Variants in KIAA1586 observed in about 807,000 individuals in gnomAD.
KIAA1586 encodes the protein E3 SUMO-protein ligase KIAA1586.
Under a neutral mutation model 6.1 loss-of-function variants are expected in KIAA1586, and 5 were observed. The ratio of observed to expected loss-of-function variants is 0.82; its 90% CI spans 0.43 to 1.73. KIAA1586 has a LOEUF of 1.73. Ranked by LOEUF, KIAA1586 falls within the 40% of genes most tolerant of loss-of-function variation. KIAA1586 has a pLI of 0.02. For missense variants in KIAA1586, 899 were observed against 878.2 expected, an observed-to-expected ratio of 1.02 and a Z score of -0.30; for synonymous variants, 280 against 301.7, an observed-to-expected ratio of 0.93 and a Z score of 0.75.
chr6:57,065,982 T>C, the KIAA1586 span, among the ~76,000 whole-genome samples: 1 of 152,102 alleles, frequency 6.6e-6, no homozygotes, highest in African/African-American at 2.4e-5. Flanking sequence ...AAATTGCAGC[T>C]ATTCTAATTT....
chr6:57,056,063 T>C (rs980099537), downstream of KIAA1586, among the ~76,000 whole-genome samples: 4 of 152,208 alleles, frequency 2.6e-5, no homozygotes, highest in South Asian at 2.1e-4. Flanking sequence ...TTTTTTTTTT[T>C]CCCGAGACAG....
Position 57,055,043 on chromosome 6 carries a change from T to C in KIAA1586, c.*180T>C. The C allele has an allele frequency of 1.5e-6, 1 of 651,822 alleles. No individual in the cohort carries two copies. Among genetic ancestry groups the C allele is most frequent in the Non-Finnish European group, 2.4e-6 (1 of 417,388 alleles). The allele number at this position is 651,822 out of a possible 1,614,324, so 40.4% of individuals were successfully genotyped here. A position where few individuals can be genotyped will look rare whatever the true frequency, so the allele number is the denominator to read the frequency against. ...TTTAGAAGCTATAGTTTTTTAGAGA[T>C]TGGCCCATGTTTGCTAGAGTGGGTC... is the stretch of plus-strand genomic sequence containing the variant. On this transcript the variant is annotated 3_prime_UTR_variant, in exon 4 of 4. Transcript: ENST00000370733.
chr6:57,051,969 G>A (rs180919612), intron 3 of KIAA1586, among the ~76,000 whole-genome samples: 195 of 152,128 alleles, frequency 1.3e-3, no homozygotes, highest in African/African-American at 4.3e-3. Flanking sequence ...GCGAGACTCC[G>A]TCTCAAAAAA....
intron 3 of KIAA1586, among the ~76,000 whole-genome samples, chr6:57,051,898 C>T (rs895254953): frequency 7.9e-5 from 12 of 152,078 alleles, no homozygotes; most frequent in Admixed American, 1.3e-4. Context: ...TGCTTGAACC[C>T]GGGAGGTGGA....
chr6:57,046,898 G>A, intron 1 of KIAA1586, 122 bp downstream of exon 1: 2 of 1,358,872 alleles, frequency 1.5e-6, no homozygotes, highest in East Asian at 2.6e-5. Context: ...CAGTGTCTTG[G>A]GCCGAGCCCA....
intron 1 of KIAA1586, 195 bp downstream of exon 1, chr6:57,046,971 C>A: frequency 1.4e-6 from 1 of 715,552 alleles, no homozygotes; most frequent in Non-Finnish European, 2.1e-6. Context: ...CCCGGCCCCC[C>A]GCACGGGCCC....
chr6:57,059,613 A>T (rs1002683883), downstream of KIAA1586, among the ~76,000 whole-genome samples: 1 of 151,522 alleles, frequency 6.6e-6, no homozygotes, highest in African/African-American at 2.4e-5. Context: ...ATAGAATTAC[A>T]TATGTGGCTT....
the KIAA1586 span, among the ~76,000 whole-genome samples, chr6:57,063,889 A>T: frequency 2.3e-3 from 356 of 151,952 alleles, 1 homozygote; most frequent in African/African-American, 6.6e-3. Flanking sequence ...CCCTTTTTTT[A>T]AAAAAAATTG....
At position 57,053,124 on chromosome 6, in the gene KIAA1586, G is replaced by A; in HGVS notation, c.625G>A (p.Glu209Lys). The change falls in exon 4 of 4, where the codon GAA (glutamate) becomes AAA (lysine). Residue 209 changes from glutamate to lysine, a missense_variant. Physicochemically the swap from Glu to Lys is moderately conservative, Grantham distance 56. Transcript: ENST00000370733. ...RQASLRKKIREHDVSKAHGKI... is the reference protein window; with the variant it reads ...RQASLRKKIRKHDVSKAHGKI... Reference sequence around the variant, plus strand: ...AGCTTCTCTACGAAAAAAAATTAGGGAACATGATGTTTCTAAAGCCCATGG... The same window carrying A: ...AGCTTCTCTACGAAAAAAAATTAGGAAACATGATGTTTCTAAAGCCCATGG... 1 of 1,611,074 alleles carries A rather than the reference G, an allele frequency of 6.2e-7. No individual in the cohort carries two copies. Among genetic ancestry groups the A allele is most frequent in the Non-Finnish European group, 8.5e-7 (1 of 1,179,226 alleles).
chr6:57,049,028 A>G (rs1266206357), intron 2 of KIAA1586, among the ~76,000 whole-genome samples: 1 of 151,630 alleles, frequency 6.6e-6, no homozygotes. Flanking sequence ...ACATCTTTTC[A>G]TACAATATTT....
At position 57,054,544 on chromosome 6, in the gene KIAA1586, A is replaced by C; in HGVS notation, c.2045A>C (p.Asn682Thr). 6.2e-7 allele frequency: 1 copy of C among 1,601,782 alleles called. No homozygotes were observed. ...REFVNNNIKS[N>T]NVSIPTTIYK... is the part of the protein sequence containing the mutation. The stretch of plus-strand genomic sequence containing the variant: ...TTTGTAAATAATAATATAAAATCAA[A>C]CAATGTTTCAATTCCTACAACTATA... Residue 682 changes from asparagine to threonine, a missense_variant, in exon 4 of 4, where the codon AAC becomes ACC. Physicochemically the swap from Asn to Thr is moderately conservative, Grantham distance 65 (BLOSUM62 0). Coordinates refer to ENST00000370733, the MANE Select transcript of KIAA1586 (RefSeq NM_020931.4).
rs144653800 is a variant in KIAA1586 at position 57,054,476 on chromosome 6, T to C, written c.1977T>C (p.Cys659=). ...IAGEKTLFHL[C]KILKYEVDLN... ...GTGAAAAAACATTATTTCATTTGTG[T>C]AAAATTTTAAAATATGAAGTTGATT... Residue 659 remains cysteine, a synonymous_variant, in exon 4 of 4, where the codon TGT becomes TGC. Coordinates refer to ENST00000370733, the MANE Select transcript of KIAA1586 (RefSeq NM_020931.4). 3.1e-6 allele frequency: 5 copies of C among 1,597,608 alleles called. No homozygotes were observed. In the African/African-American group the frequency reaches 6.8e-5, roughly 22 times the overall value.
In KIAA1586 at chr6:57,054,147, A is replaced by G. The variant is rs1562571674; in HGVS notation, c.1648A>G (p.Ile550Val). The G allele has an allele frequency of 3.8e-6, 6 of 1,590,240 alleles. No individual in the cohort carries two copies. The highest frequency in any genetic ancestry group is 5.1e-6 in the Non-Finnish European group (6 of 1,170,726). ...STALQSRSTN[I>V]KKAQKLIKRT... ...TGCATTACAGTCAAGATCAACTAAT[A>G]TTAAGAAAGCACAAAAATTGATCAA... is the stretch of plus-strand genomic sequence containing the variant. Residue 550 changes from isoleucine (I) to valine (V), a missense_variant, in exon 4 of 4, where the codon ATT becomes GTT. Physicochemically the swap from Ile to Val is conservative, Grantham distance 29 (BLOSUM62 3). Transcript: ENST00000370733.
chr6:57,066,767 T>C, the KIAA1586 span, among the ~76,000 whole-genome samples: 2 of 152,138 alleles, frequency 1.3e-5, no homozygotes, highest in Non-Finnish European at 2.9e-5. Flanking sequence ...CTTTCAGCCT[T>C]TCTGTTAAGT....
At chr6:57,066,292 A>C in the KIAA1586 span, among the ~76,000 whole-genome samples, 1 of 152,122 alleles carries the variant, frequency 6.6e-6, no homozygotes, top group Non-Finnish European at 1.5e-5. Flanking sequence ...AAAGGAAAAA[A>C]ATTCAAATTT....
downstream of KIAA1586, among the ~76,000 whole-genome samples, chr6:57,060,239 C>T (rs1268506931): frequency 6.6e-6 from 1 of 152,106 alleles, no homozygotes; most frequent in Non-Finnish European, 1.5e-5. Flanking sequence ...GTCTTTCCCT[C>T]ATAATTGCCG....
At position 57,054,945 on chromosome 6, in the gene KIAA1586, A is replaced by G; in HGVS notation, c.*82A>G. ...CATAAAGGTCTTTTTTTTTTTTGGA[A>G]AGCCAGTTAAACTTTTATCAGCATG... On this transcript the variant is annotated 3_prime_UTR_variant, in exon 4 of 4. Transcript: ENST00000370733. 7.4e-7 allele frequency: 1 copy of G among 1,342,498 alleles called. No homozygotes were observed. The highest frequency in any genetic ancestry group is 9.8e-7 in the Non-Finnish European group (1 of 1,018,874). 83.2% of individuals were successfully genotyped at this position (1,342,498 alleles called of 1,614,324 possible). A position where few individuals can be genotyped will look rare whatever the true frequency, so the allele number is the denominator to read the frequency against.
In KIAA1586 at chr6:57,053,070, C is replaced by G. The variant is rs371660552; in HGVS notation, c.571C>G (p.Pro191Ala). 5 of 1,611,762 alleles carry G rather than the reference C, an allele frequency of 3.1e-6. No homozygotes were observed. The highest frequency in any genetic ancestry group is 4.2e-6 in the Non-Finnish European group (5 of 1,179,302). ...GGAATGGATTGCATATTTAGTAACC[C>G]CTAATGGCAGTAATAAAACTACTAG... ...SKEWIAYLVT[P>A]NGSNKTTRQA... The change falls in exon 4 of 4, where the codon CCT (proline) becomes GCT (alanine). Residue 191 changes from proline (P) to alanine (A), a missense_variant. Physicochemically the swap from Pro to Ala is conservative, Grantham distance 27. Coordinates refer to ENST00000370733, the MANE Select transcript of KIAA1586 (RefSeq NM_020931.4).
At chr6:57,059,312 G>A (rs1469610461), downstream of KIAA1586, among the ~76,000 whole-genome samples, 1 of 152,034 alleles carries the variant, frequency 6.6e-6, no homozygotes, top group Non-Finnish European at 1.5e-5. Flanking sequence ...ACATATGTGG[G>A]CCAGGCGCAC....
Sources: gnomAD v4.1 joint callset for allele counts (sites outside exome capture counted in the v4.1 genomes callset) on GRCh38, gnomAD v4.1.1 for gene constraint, MANE v1.5 for transcripts, NCBI Gene and HGNC (gene_info 2026-07-23, HGNC 2026-07-21) for gene names.